Variants in PKM observed in about 807,000 individuals in gnomAD.
The protein encoded by PKM is pyruvate kinase M1/2, also known as pyruvate kinase PKM.
In PKM, 18 loss-of-function variants were observed where a neutral mutation model predicts 49.8. The observed-to-expected ratio is 0.36, with a 90% CI of 0.25 to 0.54. The LOEUF is 0.54. PKM is among the 20% of genes least tolerant of loss of function. The pLI, the probability that PKM is intolerant of heterozygous loss-of-function variation, is 0.89. For synonymous variants in PKM, 239 were observed against 261.8 expected (o/e 0.91, Z 0.84); for missense variants, 508 against 713.8 (o/e 0.71, Z 3.28).
At chr15:72,230,838 G>A (rs2082842966) in intron 1 of PKM, 9 of 891,418 alleles carry the variant, frequency 1.0e-5, no homozygotes, top group South Asian at 4.2e-5. Flanking sequence ...GGGGCAGGAG[G>A]AAGAGGATGG....
Position 72,209,688 on chromosome 15 carries a change from G to A in PKM, c.550C>T (p.Gln184Ter). 1.9e-6 allele frequency: 3 copies of A among 1,613,402 alleles called. No homozygotes were observed. Among genetic ancestry groups the A allele is most frequent in the Non-Finnish European group, 2.5e-6 (3 of 1,179,766 alleles). Reference sequence around the variant, plus strand: ...CCATACGTACCTTTCTGCTTCACCTGGAGAGAAATAAGCCCATCATCCACG... The same window carrying A: ...CCATACGTACCTTTCTGCTTCACCTAGAGAGAAATAAGCCCATCATCCACG... ...IYVDDGLISL[Q>*]VKQKGADFLV... is the part of the protein sequence containing the mutation. Residue 184 changes from glutamine (Q) to a stop codon, truncating the protein, a stop_gained, in exon 5 of 11, where the codon CAG becomes TAG. Transcript: ENST00000335181. LOFTEE classifies it high-confidence loss of function.
Position 72,208,782 on chromosome 15 carries a change from G to A in PKM, c.675C>T (p.Asp225=), listed in dbSNP as rs2082154586. Residue 225 remains aspartate, a synonymous_variant, in exon 6 of 11, where the codon GAC becomes GAT. Coordinates refer to ENST00000335181, the MANE Select transcript of PKM (RefSeq NM_002654.6). ...CGACCCCAAACTTCAGATCCTGGAT[G>A]TCCTTCTCCGACACAGCAGGCAAGT... ...AVDLPAVSEK[D]IQDLKFGVEQ... The A allele has an allele frequency of 1.2e-6, 2 of 1,614,156 alleles. No individual in the cohort carries two copies. Among genetic ancestry groups the A allele is most frequent in the Non-Finnish European group, 1.7e-6 (2 of 1,180,036 alleles).
At chr15:72,206,919 C>T (rs1233595669) in intron 7 of PKM, 39 bp from the exon 8 acceptor site, 2 of 1,610,980 alleles carry the variant, frequency 1.2e-6, no homozygotes, top group Admixed American at 3.3e-5. Flanking sequence ...GTAGCTTGAG[C>T]TGTCTTCAGA....
rs2081965002 is a variant in PKM, at chr15:72,202,330, G to C, written c.1307+124C>G. 8 of 971,750 alleles carry C rather than the reference G, an allele frequency of 8.2e-6. No individual in the cohort carries two copies. The highest frequency in any genetic ancestry group is 1.3e-5 in the Non-Finnish European group (8 of 628,812). 60.2% of individuals were successfully genotyped at this position (971,750 alleles called of 1,614,324 possible). A position where few individuals can be genotyped will look rare whatever the true frequency, so the allele number is the denominator to read the frequency against. ...AATCCTTCCCTGCAGGCCCAAGGTG[G>C]CAGGCAGAGGGGTCTTACCTTGGCT... is the stretch of plus-strand genomic sequence containing the variant. On this transcript the variant is annotated intron_variant, in intron 9 of 10. Transcript: ENST00000335181. The surrounding 1 kb of genome is among the most constrained non-coding windows in gnomAD (Gnocchi z 4.5).
chr15:72,215,377 AT>A (rs1390503218), intron 3 of PKM, among the ~76,000 whole-genome samples: 7 of 152,208 alleles, frequency 4.6e-5, no homozygotes. Flanking sequence ...GCCCTGACGT[AT>A]GGTAAGGCTG....
chr15:72,205,418 C>G (rs2082047068), intron 8 of PKM, among the ~76,000 whole-genome samples: 2 of 152,158 alleles, frequency 1.3e-5, no homozygotes. Context: ...CATCCCTGGC[C>G]TCTACCAATT....
chr15:72,227,837 A>T (rs1400916960), intron 1 of PKM, among the ~76,000 whole-genome samples: 1 of 147,320 alleles, frequency 6.8e-6, no homozygotes, highest in African/African-American at 2.5e-5. Context: ...TAAGTGCTGC[A>T]TTTTCTTCTA....
intron 3 of PKM, among the ~76,000 whole-genome samples, chr15:72,214,826 G>C (rs543164095): frequency 2.7e-5 from 4 of 149,846 alleles, no homozygotes; most frequent in African/African-American, 9.8e-5. Context: ...AAATAAATCT[G>C]GAAAACATGG....
At chr15:72,210,236 G>T in intron 4 of PKM, 111 bp downstream of exon 4, 1 of 1,091,764 alleles carries the variant, frequency 9.2e-7, no homozygotes, top group Non-Finnish European at 1.4e-6. Flanking sequence ...CAACTCCTCT[G>T]CAGTCCTTCA....
At chr15:72,221,242 T>C in intron 1 of PKM, 3 of 1,535,492 alleles carry the variant, frequency 2.0e-6, no homozygotes, top group Non-Finnish European at 2.6e-6. Flanking sequence ...TTGGCCTCAC[T>C]AGCAAAGACC....
intron 1 of PKM, chr15:72,228,665 T>C (rs1238779494): frequency 1.6e-6 from 2 of 1,278,678 alleles, no homozygotes; most frequent in African/African-American, 1.5e-5. Flanking sequence ...GATTTGGTGA[T>C]ACGTTACATT....
chr15:72,230,897 C>G, intron 1 of PKM: 1 of 1,283,992 alleles, frequency 7.8e-7, no homozygotes, highest in Non-Finnish European at 1.0e-6. Flanking sequence ...CCGGCGGACC[C>G]GCCTGATCTG....
intron 8 of PKM, among the ~76,000 whole-genome samples, chr15:72,206,064 G>A (rs1341866252): frequency 3.3e-5 from 5 of 152,262 alleles, no homozygotes; most frequent in African/African-American, 4.8e-5. Flanking sequence ...CACCCTCCCC[G>A]CTGTCTCTAT....
At chr15:72,225,314 C>G (rs1031190127) in intron 1 of PKM, among the ~76,000 whole-genome samples, 2 of 149,520 alleles carry the variant, frequency 1.3e-5, no homozygotes, top group African/African-American at 4.9e-5. Context: ...GCTCCTCCAA[C>G]CCTTTCCACC....
rs1332982135 is a variant in PKM at position 72,199,289 on chromosome 15, C to G, written c.*361G>C. ...ACTCTTGCTGGCTGTTTCTTGACCC[C>G]AAGCCAGGGTTGGGAGTCCTCTGGG... On this transcript the variant is annotated 3_prime_UTR_variant, in exon 11 of 11. Coordinates refer to ENST00000335181, the MANE Select transcript of PKM (RefSeq NM_002654.6). 5.0e-6 allele frequency: 2 copies of G among 400,760 alleles called. No individual in the cohort carries two copies. The highest frequency in any genetic ancestry group is 1.2e-4 in the East Asian group (2 of 16,112). The allele number at this position is 400,760 out of a possible 1,614,324, so 24.8% of individuals were successfully genotyped here. A position where few individuals can be genotyped will look rare whatever the true frequency, so the allele number is the denominator to read the frequency against.
chr15:72,225,431 A>G (rs796376224), intron 1 of PKM, among the ~76,000 whole-genome samples: 4 of 151,340 alleles, frequency 2.6e-5, no homozygotes, highest in African/African-American at 9.7e-5. Flanking sequence ...ATCCTCCTGC[A>G]TCAGCCTCTC....
intron 1 of PKM, among the ~76,000 whole-genome samples, chr15:72,230,468 C>G (rs2082826415): frequency 6.6e-6 from 1 of 152,024 alleles, no homozygotes; most frequent in African/African-American, 2.4e-5. Context: ...GCGACCAGAG[C>G]AGAGAGGGAG....
chr15:72,231,189 G>A lies in PKM; in HGVS notation c.-87C>T, dbSNP rs1371563175. 1.1e-5 allele frequency: 3 copies of A among 268,142 alleles called. No individual in the cohort carries two copies. The highest frequency in any genetic ancestry group is 2.3e-5 in the African/African-American group (1 of 44,038). 16.6% of individuals were successfully genotyped at this position (268,142 alleles called of 1,614,324 possible). On this transcript the variant is annotated 5_prime_UTR_variant, in exon 1 of 11. Transcript: ENST00000335181. ...GAGCCACGGCGCGTGCAGCTGCTGT[G>A]CAAGGAGCCACTGCCTCAGCCTCAA...
chr15:72,219,734 G>A (rs944407162), intron 1 of PKM, among the ~76,000 whole-genome samples: 1 of 152,176 alleles, frequency 6.6e-6, no homozygotes, highest in Non-Finnish European at 1.5e-5. Context: ...GACACGCAAA[G>A]CAATTTGCAA....
Sources: allele counts gnomAD v4.1 joint callset (sites outside exome capture counted in the v4.1 genomes callset), GRCh38; gene constraint gnomAD v4.1.1; non-coding constraint Gnocchi (gnomAD v3.1); transcripts MANE v1.5; gene names NCBI Gene and HGNC (gene_info 2026-07-23, HGNC 2026-07-21).